The following L3MBTL1 variants were observed in gnomAD, a reference collection of about 807,000 sequenced individuals.
L3MBTL1 encodes the protein L3MBTL histone methyl-lysine binding protein 1, also known as lethal(3)malignant brain tumor-like protein 1.
A neutral mutation model predicts 105.3 loss-of-function variants in L3MBTL1; 75 were observed. The ratio of observed to expected loss-of-function variants is 0.71; its 90% CI spans 0.59 to 0.86. The LOEUF is 0.86. Among genes scored for constraint, L3MBTL1 ranks in the 40% least tolerant of loss-of-function variants. The pLI, the probability that L3MBTL1 is intolerant of heterozygous loss-of-function variation, is 0.00. For missense variants in L3MBTL1, 1,069 were observed against 1,126.4 expected, an observed-to-expected ratio of 0.95 and a Z score of 0.73; for synonymous variants, 452 against 436.2, an observed-to-expected ratio of 1.04 and a Z score of -0.45.
intron 19 of L3MBTL1, among the ~76,000 whole-genome samples, chr20:43,538,023 A>G (rs2019718169): frequency 6.6e-6 from 1 of 152,218 alleles, no homozygotes; most frequent in African/African-American, 2.4e-5. Flanking sequence ...TGCTTAGCAC[A>G]GCTCCCTGCC....
chr20:43,519,942 T>C, intron 7 of L3MBTL1, among the ~76,000 whole-genome samples: 1 of 152,258 alleles, frequency 6.6e-6, no homozygotes, highest in Non-Finnish European at 1.5e-5. Flanking sequence ...TGAGATACAA[T>C]TCACACACCA....
rs368201223 is a variant in L3MBTL1, at chr20:43,536,416, C to T, written c.2131C>T (p.Arg711Cys). The change falls in exon 19 of 22, where the codon CGC becomes TGC. Residue 711 changes from arginine (R) to cysteine (C), a missense_variant. By Grantham distance (180) the Arg-to-Cys change is radical. Transcript: ENST00000418998. ...KKPRHHGRIG[R>C]PPKYRKIPQE... ...TGGTCCGTCTTTCTCCAGAATTGGA[C>T]GCCCTCCGAAGTATCGAAAGATTCC... 1.6e-4 allele frequency: 253 copies of T among 1,613,922 alleles called. No homozygotes were observed. The highest frequency in any genetic ancestry group is 2.0e-4 in the Non-Finnish European group (234 of 1,180,028).
In L3MBTL1 at chr20:43,534,839, T is replaced by C; in HGVS notation, c.1722T>C (p.Asp574=). Reference sequence around the variant, plus strand: ...CCTTTCCTCCCCAGATCCACTTTGATGGCTGGAGTCATGGCTATGATTTCT... The same window carrying C: ...CCTTTCCTCCCCAGATCCACTTTGACGGCTGGAGTCATGGCTATGATTTCT... ...VEDHRIKIHF[D]GWSHGYDFWI... Residue 574 remains aspartate (D), a synonymous_variant, in exon 16 of 22, where the codon GAT becomes GAC. Transcript: ENST00000418998. The C allele has an allele frequency of 6.2e-7, 1 of 1,610,244 alleles. No homozygotes were observed. Among genetic ancestry groups the C allele is most frequent in the South Asian group, 1.1e-5 (1 of 90,966 alleles).
In L3MBTL1 at chr20:43,536,450, A is replaced by G. The variant is rs1451567072; in HGVS notation, c.2165A>G (p.Asp722Gly). 6.2e-7 allele frequency: 1 copy of G among 1,613,974 alleles called. No individual in the cohort carries two copies. Among genetic ancestry groups the G allele is most frequent in the Non-Finnish European group, 8.5e-7 (1 of 1,180,028 alleles). ...AAGTATCGAAAGATTCCGCAGGAAG[A>G]TTTCCAGAGTAAGTCTGGGTTATCT... is the stretch of plus-strand genomic sequence containing the variant. The part of the protein sequence containing the change: ...PPKYRKIPQE[D>G]FQTLTPDVVH... Residue 722 changes from aspartate to glycine, a missense_variant, in exon 19 of 22, where the codon GAT becomes GGT. By Grantham distance (94) the Asp-to-Gly change is moderately conservative. Transcript: ENST00000418998.
chr20:43,541,077 A>G lies in L3MBTL1; in HGVS notation c.2538A>G (p.Leu846=), dbSNP rs1265132733. 1.9e-6 allele frequency: 3 copies of G among 1,614,108 alleles called. No individual in the cohort carries two copies. Among genetic ancestry groups the G allele is most frequent in the East Asian group, 2.2e-5 (1 of 44,880 alleles). The part of the protein sequence containing the change: ...ETGVHSLLCS[L]PTHLLAKLSF... The stretch of plus-strand genomic sequence containing the variant: ...GAGTCCATTCACTCCTCTGCTCTCT[A>G]CCCACTCATTTGCTTGCCAAACTTA... The change falls in exon 22 of 22, where the codon CTA becomes CTG. Residue 846 remains leucine (L), a synonymous_variant. Transcript: ENST00000418998.
chr20:43,540,401 GTAC>G lies in L3MBTL1; in HGVS notation c.2331+94_2331+96del. 2.1e-6 allele frequency: 3 copies of G among 1,412,932 alleles called. No homozygotes were observed. The South Asian group carries it at 3.8e-5, about 18-fold the overall frequency. The allele number at this position is 1,412,932 out of a possible 1,614,324, so 87.5% of individuals were successfully genotyped here. On this transcript the variant is annotated intron_variant, in intron 20 of 21. Coordinates refer to ENST00000418998, the MANE Select transcript of L3MBTL1 (RefSeq NM_001377303.1). ...AAAGGCCCAGGTCAGGTAGAACCCG[GTAC>G]CACTCCTGGCACTACCTCTTGCTCA...
chr20:43,540,799 G>A lies in L3MBTL1; in HGVS notation c.2378G>A (p.Arg793His), dbSNP rs757597984. Reference sequence around the variant, plus strand: ...CTGACAGGTTGTGAGGACCAAGCACGCCTCTTCAAAGACGAGGTAAGGTGC... The same window carrying A: ...CTGACAGGTTGTGAGGACCAAGCACACCTCTTCAAAGACGAGGTAAGGTGC... ...QTLTGCEDQA[R>H]LFKDEARIVR... The change falls in exon 21 of 22, where the codon CGC becomes CAC. Residue 793 changes from arginine (R) to histidine (H), a missense_variant. Coordinates refer to ENST00000418998, the MANE Select transcript of L3MBTL1 (RefSeq NM_001377303.1). 43 of 1,614,166 alleles carry A rather than the reference G, an allele frequency of 2.7e-5. No individual in the cohort carries two copies. The highest frequency in any genetic ancestry group is 1.5e-4 in the Admixed American group (9 of 60,020).
In L3MBTL1 at chr20:43,530,350, G is replaced by A; in HGVS notation, c.1123G>A (p.Ala375Thr). ...YSECHDFWVN[A>T]NSPDIHPAGW... ...TGAGTGCCATGACTTCTGGGTCAAT[G>A]CCAACTCCCCTGACATTCACCCTGC... Residue 375 changes from alanine to threonine, a missense_variant, in exon 10 of 22, where the codon GCC becomes ACC. By Grantham distance (58) the Ala-to-Thr change is moderately conservative. Coordinates refer to ENST00000418998, the MANE Select transcript of L3MBTL1 (RefSeq NM_001377303.1). 1 of 1,614,116 alleles carries A rather than the reference G, an allele frequency of 6.2e-7. No homozygotes were observed. Among genetic ancestry groups the A allele is most frequent in the South Asian group, 1.1e-5 (1 of 91,084 alleles).
At chr20:43,547,242 C>T (rs1391848637) in intron 18 of L3MBTL1, among the ~76,000 whole-genome samples, 3 of 151,850 alleles carry the variant, frequency 2.0e-5, no homozygotes, top group Non-Finnish European at 4.4e-5. Context: ...GTAGCTGGGA[C>T]TGCAGGCGCC....
chr20:43,519,241 G>A (rs1402549160), intron 7 of L3MBTL1, among the ~76,000 whole-genome samples: 1 of 151,652 alleles, frequency 6.6e-6, no homozygotes, highest in Admixed American at 6.6e-5. Context: ...GGAGGCTGAG[G>A]CTGGAGAATC....
Position 43,513,997 on chromosome 20 carries a change from C to G in L3MBTL1, c.296C>G (p.Thr99Ser). 6.5e-7 allele frequency: 1 copy of G among 1,543,616 alleles called. No homozygotes were observed. The highest frequency in any genetic ancestry group is 8.7e-7 in the Non-Finnish European group (1 of 1,146,872). ...AGCGCCGGGCCGGCCAGCTCCAGCA[C>G]CAGCACAGTGCGGCTTCTGGAATGG... is the stretch of plus-strand genomic sequence containing the variant. ...QLSAGPASSS[T>S]STVRLLEWTE... Residue 99 changes from threonine to serine, a missense_variant, in exon 3 of 22, where the codon ACC becomes AGC. Coordinates refer to ENST00000418998, the MANE Select transcript of L3MBTL1 (RefSeq NM_001377303.1).
At position 43,528,585 on chromosome 20, in the gene L3MBTL1, G is replaced by A. The variant is rs2019155187; in HGVS notation, c.863-72G>A. Reference sequence around the variant, plus strand: ...GTTTTGGGGGTGAAGGTAGAGCTTGGTCAGGGGAAGCCGAAGAAAGTCATA... The same window carrying A: ...GTTTTGGGGGTGAAGGTAGAGCTTGATCAGGGGAAGCCGAAGAAAGTCATA... On this transcript the variant is annotated intron_variant, in intron 7 of 21. Coordinates refer to ENST00000418998, the MANE Select transcript of L3MBTL1 (RefSeq NM_001377303.1). 6.2e-6 allele frequency: 7 copies of A among 1,133,096 alleles called. No individual in the cohort carries two copies. In the East Asian group the frequency reaches 1.7e-4, roughly 27 times the overall value. The allele number at this position is 1,133,096 out of a possible 1,614,324, so 70.2% of individuals were successfully genotyped here. A position where few individuals can be genotyped will look rare whatever the true frequency, so the allele number is the denominator to read the frequency against.
intron 8 of L3MBTL1, 135 bp downstream of exon 8, chr20:43,528,880 T>G (rs751821959): frequency 5.0e-5 from 36 of 725,982 alleles, no homozygotes; most frequent in Non-Finnish European, 7.7e-5. Context: ...GAGAGACTGT[T>G]TAGGGGCCCA....
intron 8 of L3MBTL1, 25 bp downstream of exon 8, chr20:43,528,770 G>A: frequency 6.4e-7 from 1 of 1,573,962 alleles, no homozygotes; most frequent in Non-Finnish European, 8.7e-7. Flanking sequence ...TTCCCCGTAG[G>A]AACAGCTTGT....
chr20:43,514,878 T>C, intron 4 of L3MBTL1, 102 bp downstream of exon 4: 1 of 1,446,382 alleles, frequency 6.9e-7, no homozygotes, highest in South Asian at 1.4e-5. Context: ...GGTCCTGGGG[T>C]GGAGAAGGCT....
chr20:43,541,462 A>C lies in L3MBTL1; in HGVS notation c.*334A>C, dbSNP rs553319823. 3.9e-5 allele frequency: 10 copies of C among 258,838 alleles called. No homozygotes were observed. The highest frequency in any genetic ancestry group is 1.5e-4 in the African/African-American group (7 of 46,054). 16.0% of individuals were successfully genotyped at this position (258,838 alleles called of 1,614,324 possible). Reference sequence around the variant, plus strand: ...ATACCAGAACGTCTAGTATAATTACAGTCATGCATTGCTTAACGATGGGGA... The same window carrying C: ...ATACCAGAACGTCTAGTATAATTACCGTCATGCATTGCTTAACGATGGGGA... On this transcript the variant is annotated 3_prime_UTR_variant, in exon 22 of 22. Coordinates refer to ENST00000418998, the MANE Select transcript of L3MBTL1 (RefSeq NM_001377303.1).
rs2018193267 is a variant in L3MBTL1, at chr20:43,513,476, G to T, written c.-28G>T. The T allele has an allele frequency of 6.5e-7, 1 of 1,548,624 alleles. No individual in the cohort carries two copies. The highest frequency in any genetic ancestry group is 8.7e-7 in the Non-Finnish European group (1 of 1,145,744). ...CCTGGGGGCTATGTTTGGCTTGTAG[G>T]CCTGCCAGGATGGAGGGGCATGCTG... is the stretch of plus-strand genomic sequence containing the variant. On this transcript the variant is annotated splice_region_variant and 5_prime_UTR_variant, in exon 2 of 22. Coordinates refer to ENST00000418998, the MANE Select transcript of L3MBTL1 (RefSeq NM_001377303.1).
In L3MBTL1 at chr20:43,515,044, C is replaced by A. The variant is rs768103321; in HGVS notation, c.538C>A (p.Gln180Lys). 6.2e-7 allele frequency: 1 copy of A among 1,614,102 alleles called. No homozygotes were observed. Among genetic ancestry groups the A allele is most frequent in the South Asian group, 1.1e-5 (1 of 91,088 alleles). ...HPQNPPEDPNQDPPEDDSTCQ... is the reference protein window; with the variant it reads ...HPQNPPEDPNKDPPEDDSTCQ... ...CCAGAATCCTCCAGAAGATCCCAAT[C>A]AGGACCCCCCAGAGGATGATAGCAC... Residue 180 changes from glutamine to lysine, a missense_variant, in exon 5 of 22, where the codon CAG (glutamine) becomes AAG (lysine). Coordinates refer to ENST00000418998, the MANE Select transcript of L3MBTL1 (RefSeq NM_001377303.1).
intron 11 of L3MBTL1, 24 bp downstream of exon 11, chr20:43,530,913 G>T: frequency 6.3e-7 from 1 of 1,577,338 alleles, no homozygotes; most frequent in South Asian, 1.1e-5. Flanking sequence ...AGTGAGAGTG[G>T]ATGTCACTCC....
Sources: gnomAD v4.1 joint callset for allele counts (sites outside exome capture counted in the v4.1 genomes callset) on GRCh38, gnomAD v4.1.1 for gene constraint, MANE v1.5 for transcripts, NCBI Gene and HGNC (gene_info 2026-07-23, HGNC 2026-07-21) for gene names.